The following DGKI variants were observed in gnomAD, a reference collection of about 807,000 sequenced individuals.
DGKI encodes DAG kinase iota.
Under a neutral mutation model 147.5 loss-of-function variants are expected in DGKI, and 55 were observed. The observed-to-expected ratio is 0.37, with a 90% CI of 0.30 to 0.47. The LOEUF (loss-of-function observed/expected upper bound fraction) is 0.47, where lower values mean the gene tolerates loss of function less well. Among genes scored for constraint, DGKI ranks in the 20% least tolerant of loss-of-function variants. The pLI is 1.00. For missense variants in DGKI, 1,007 were observed against 1,323.8 expected, an observed-to-expected ratio of 0.76 and a Z score of 3.71; for synonymous variants, 469 against 477.1, an observed-to-expected ratio of 0.98 and a Z score of 0.22.
At chr7:137,623,670 C>G (rs1413455599) in intron 6 of DGKI, 116 bp from the exon 7 acceptor site, 7 of 820,044 alleles carry the variant, frequency 8.5e-6, no homozygotes, top group East Asian at 2.5e-5. Flanking sequence ...TGTCACCCAC[C>G]ACTGGAGGTA....
At chr7:137,635,560 T>C (rs1821280073) in intron 6 of DGKI, among the ~76,000 whole-genome samples, 1 of 152,084 alleles carries the variant, frequency 6.6e-6, no homozygotes, top group Admixed American at 6.5e-5. Context: ...ACCAGGGAAA[T>C]TATTTTATGG....
At chr7:137,747,683 T>C (rs1795381481) in intron 1 of DGKI, among the ~76,000 whole-genome samples, 1 of 152,158 alleles carries the variant, frequency 6.6e-6, no homozygotes, top group African/African-American at 2.4e-5. Context: ...GTCCAATTAT[T>C]TGTTCAAGAC....
intron 28 of DGKI, among the ~76,000 whole-genome samples, chr7:137,414,209 T>C (rs1296177450): frequency 1.3e-5 from 2 of 152,162 alleles, no homozygotes; most frequent in African/African-American, 4.8e-5. Context: ...ATGTTAAACT[T>C]ACTCACTGCC....
At chr7:137,542,736 G>A (rs1817743963) in intron 20 of DGKI, among the ~76,000 whole-genome samples, 1 of 152,090 alleles carries the variant, frequency 6.6e-6, no homozygotes, top group Admixed American at 6.6e-5. Flanking sequence ...CACCAGAAAA[G>A]TCCGTTTTAC....
At chr7:137,608,529 G>T (rs1485939738) in intron 10 of DGKI, among the ~76,000 whole-genome samples, 2 of 152,148 alleles carry the variant, frequency 1.3e-5, no homozygotes, top group Non-Finnish European at 2.9e-5. Flanking sequence ...GATTATCATG[G>T]CTCATGAATC....
chr7:137,550,565 G>C (rs1232512043), intron 20 of DGKI, among the ~76,000 whole-genome samples: 2 of 148,840 alleles, frequency 1.3e-5, no homozygotes, highest in African/African-American at 5.2e-5. Context: ...TGTGTGCCTT[G>C]AGTACAAAAA....
At chr7:137,824,524 A>G (rs552755275) in intron 1 of DGKI, among the ~76,000 whole-genome samples, 1 of 122,944 alleles carries the variant, frequency 8.1e-6, no homozygotes, top group East Asian at 1.9e-4. Flanking sequence ...TCAAAAAAAA[A>G]AAAAAGAAAA....
intron 1 of DGKI, among the ~76,000 whole-genome samples, chr7:137,785,504 G>A (rs1275424279): frequency 6.6e-6 from 1 of 150,804 alleles, no homozygotes; most frequent in African/African-American, 2.4e-5. Context: ...AAAAAAAAAA[G>A]TCCAGGACCA....
At position 137,630,982 on chromosome 7, in the gene DGKI, A is replaced by AG. The variant is rs200067002; in HGVS notation, c.805-7429dup. 8.0e-3 allele frequency among the ~76,000 whole-genome samples: 1,211 copies of AG among 151,694 alleles called. 7 individuals carry two copies. Among genetic ancestry groups the AG allele is most frequent in the African/African-American group, 0.028 (1,166 of 40,992 alleles). ...TTAATGCTAATAATATTCACAAAGC[A>AG]GGGTTTTTTTTGAAAAAAAGACTAG... On this transcript the variant is annotated intron_variant, in intron 6 of 32. Transcript: ENST00000614521.
intron 12 of DGKI, among the ~76,000 whole-genome samples, chr7:137,589,609 AAC>A (rs2128984879): frequency 6.6e-6 from 1 of 152,362 alleles, no homozygotes; most frequent in African/African-American, 2.4e-5. Flanking sequence ...GCACAGATTA[AAC>A]ACAGTAAAAG....
chr7:137,727,214 A>C (rs1474371927), intron 1 of DGKI, among the ~76,000 whole-genome samples: 1 of 152,158 alleles, frequency 6.6e-6, no homozygotes, highest in Non-Finnish European at 1.5e-5. Flanking sequence ...AGGAATTACC[A>C]GCCAATCTTT....
intron 15 of DGKI, among the ~76,000 whole-genome samples, chr7:137,580,144 T>A (rs1819138682): frequency 6.6e-6 from 1 of 152,134 alleles, no homozygotes; most frequent in Admixed American, 6.5e-5. Flanking sequence ...CATTTAGACC[T>A]CTTTTCATGC....
intron 30 of DGKI, among the ~76,000 whole-genome samples, chr7:137,397,988 A>G (rs897093095): frequency 2.6e-5 from 4 of 152,196 alleles, no homozygotes; most frequent in African/African-American, 9.7e-5. Flanking sequence ...TTGTGTATTC[A>G]TGAATTAATC....
chr7:137,518,030 G>A (rs1260406108), intron 21 of DGKI, among the ~76,000 whole-genome samples: 1 of 152,098 alleles, frequency 6.6e-6, no homozygotes, highest in Non-Finnish European at 1.5e-5. Context: ...CCTCAAGCCA[G>A]GAAGAGTTCT....
chr7:137,472,274 A>ACATAATAT lies in DGKI; in HGVS notation c.2374-2656_2374-2655insATATTATG, dbSNP rs1491253706. On this transcript the variant is annotated intron_variant, in intron 23 of 32. Coordinates refer to ENST00000614521, the MANE Select transcript of DGKI (RefSeq NM_001321708.2). ...CACATAATATTATATGTATATATAC[A>ACATAATAT]TATAATATTATATGTATGTGTATAT... Among the ~76,000 whole-genome samples the ACATAATAT allele has an allele frequency of 9.0e-4, 98 of 109,326 alleles. 1 individual carries two copies. Among genetic ancestry groups the ACATAATAT allele is most frequent in the African/African-American group, 3.5e-3 (96 of 27,224 alleles). 71.7% of individuals were successfully genotyped at this position (109,326 alleles called of 152,430 possible).
chr7:137,571,639 G>A (rs1563091623), intron 18 of DGKI, among the ~76,000 whole-genome samples: 1 of 152,158 alleles, frequency 6.6e-6, no homozygotes, highest in Non-Finnish European at 1.5e-5. Context: ...ATGCATGCCA[G>A]TAGAAAAGAG....
chr7:137,733,729 T>C (rs994259467), intron 1 of DGKI, among the ~76,000 whole-genome samples: 3 of 152,062 alleles, frequency 2.0e-5, no homozygotes, highest in Non-Finnish European at 2.9e-5. Flanking sequence ...GTAAGTGCTA[T>C]GCATAACTCA....
intron 1 of DGKI, among the ~76,000 whole-genome samples, chr7:137,703,836 G>A (rs1472547189): frequency 1.3e-5 from 2 of 152,106 alleles, no homozygotes; most frequent in Non-Finnish European, 2.9e-5. Context: ...TATGAGATAT[G>A]CAAAGAAACA....
intron 19 of DGKI, among the ~76,000 whole-genome samples, chr7:137,555,511 C>G (rs1818195790): frequency 6.6e-6 from 1 of 151,806 alleles, no homozygotes. Context: ...GGCAATAGAG[C>G]AAGACCCTGT....
Sources: allele counts gnomAD v4.1 joint callset (sites outside exome capture counted in the v4.1 genomes callset), GRCh38; gene constraint gnomAD v4.1.1; transcripts MANE v1.5; gene names NCBI Gene and HGNC (gene_info 2026-07-23, HGNC 2026-07-21).